The following INPP5D variants were observed in gnomAD, a reference collection of about 807,000 sequenced individuals.
The protein encoded by INPP5D is inositol polyphosphate-5-phosphatase D.
INPP5D carries 33 observed loss-of-function variants against 122.9 expected under a neutral mutation model. That is an observed-to-expected ratio of 0.27 (90% CI 0.20 to 0.36). INPP5D has a LOEUF of 0.36. Among genes scored for constraint, INPP5D ranks in the 10% least tolerant of loss-of-function variants. The probability of loss-of-function intolerance (pLI) is 1.00; values close to 1 mark genes in which losing one functional copy is unlikely to be tolerated. For missense variants in INPP5D, 1,053 were observed against 1,412.7 expected (o/e 0.75, Z 4.08); for synonymous variants, 584 against 576.2 (o/e 1.01, Z -0.19).
chr2:233,143,620 AAAG>A (rs1364930069), intron 6 of INPP5D, among the ~76,000 whole-genome samples: 1 of 152,226 alleles, frequency 6.6e-6, no homozygotes, highest in Non-Finnish European at 1.5e-5. Context: ...GACAATAACT[AAAG>A]AAGAATTGTA....
chr2:233,152,589 G>A (rs1693948791), intron 9 of INPP5D, among the ~76,000 whole-genome samples: 1 of 152,184 alleles, frequency 6.6e-6, no homozygotes, highest in South Asian at 2.1e-4. Flanking sequence ...AGAAAAATAT[G>A]ACAGTAATGG....
rs774371957 is a variant in INPP5D at position 233,060,476 on chromosome 2, A to G, written c.-3A>G. On this transcript the variant is annotated 5_prime_UTR_variant, in exon 1 of 27. Coordinates refer to ENST00000445964, the MANE Select transcript of INPP5D (RefSeq NM_001017915.3). The stretch of plus-strand genomic sequence containing the variant: ...GGCCCGGCCGAGGAGGCCCACGCCC[A>G]CCATGGTCCCCTGCTGGAACCATGG... 2.5e-6 allele frequency: 4 copies of G among 1,602,100 alleles called. No individual in the cohort carries two copies. Among genetic ancestry groups the G allele is most frequent in the Non-Finnish European group, 2.6e-6 (3 of 1,173,574 alleles).
chr2:233,114,994 A>C (rs1178660162), intron 2 of INPP5D, among the ~76,000 whole-genome samples: 1 of 151,890 alleles, frequency 6.6e-6, no homozygotes, highest in African/African-American at 2.4e-5. Flanking sequence ...CAGCCTCCCA[A>C]GTATCTGGGA....
intron 22 of INPP5D, among the ~76,000 whole-genome samples, chr2:233,193,431 G>A (rs1426141100): frequency 2.6e-5 from 4 of 152,100 alleles, no homozygotes; most frequent in African/African-American, 9.7e-5. Context: ...TTCCCAATCC[G>A]TTTCCTTTTT....
In INPP5D at chr2:233,060,473, C is replaced by T. The variant is rs768725744; in HGVS notation, c.-6C>T. The T allele has an allele frequency of 6.2e-7, 1 of 1,600,076 alleles. No individual in the cohort carries two copies. The highest frequency in any genetic ancestry group is 1.1e-5 in the South Asian group (1 of 89,698). ...GCCGGCCCGGCCGAGGAGGCCCACGCCCACCATGGTCCCCTGCTGGAACCA... is the reference window on the plus strand; with the variant it reads ...GCCGGCCCGGCCGAGGAGGCCCACGTCCACCATGGTCCCCTGCTGGAACCA... On this transcript the variant is annotated 5_prime_UTR_variant, in exon 1 of 27. Coordinates refer to ENST00000445964, the MANE Select transcript of INPP5D (RefSeq NM_001017915.3).
chr2:233,138,432 A>G (rs1427792533), intron 5 of INPP5D, among the ~76,000 whole-genome samples: 2 of 152,178 alleles, frequency 1.3e-5, no homozygotes, highest in Non-Finnish European at 1.5e-5. Context: ...AAGAGAAATG[A>G]GAGAAATGCA....
chr2:233,131,704 A>C (rs1693332720), intron 5 of INPP5D, among the ~76,000 whole-genome samples: 1 of 152,180 alleles, frequency 6.6e-6, no homozygotes. Flanking sequence ...CGTCTCAAAT[A>C]AACAAACAAA....
chr2:233,062,871 C>T (rs990715736), intron 1 of INPP5D, among the ~76,000 whole-genome samples: 1 of 151,972 alleles, frequency 6.6e-6, no homozygotes, highest in Admixed American at 6.6e-5. Flanking sequence ...TTGCCAATTA[C>T]GGAGATTTTA....
At position 233,078,610 on chromosome 2, in the gene INPP5D, T is replaced by C. The variant is rs1248503008; in HGVS notation, c.135-725T>C. Among the ~76,000 whole-genome samples, 2 of 152,220 alleles carry C rather than the reference T, an allele frequency of 1.3e-5. No individual in the cohort carries two copies. Among genetic ancestry groups the C allele is most frequent in the African/African-American group, 2.4e-5 (1 of 41,462 alleles). ...GCTGGGCCTGGCTTTCCATTCACCA[T>C]GGGCCGCTCTGCTTGGGCCCACTGG... is the stretch of plus-strand genomic sequence containing the variant. On this transcript the variant is annotated intron_variant, in intron 1 of 26. Coordinates refer to ENST00000445964, the MANE Select transcript of INPP5D (RefSeq NM_001017915.3). The surrounding 1 kb of genome is among the most constrained non-coding windows in gnomAD (Gnocchi z 4.6).
chr2:233,153,522 C>T (rs552300960), intron 9 of INPP5D, among the ~76,000 whole-genome samples: 17 of 152,254 alleles, frequency 1.1e-4, no homozygotes, highest in South Asian at 4.1e-4. Flanking sequence ...AACCAAAAAA[C>T]GAAACCCTAA....
intron 21 of INPP5D, among the ~76,000 whole-genome samples, chr2:233,187,116 C>A (rs760233858): frequency 1.3e-5 from 2 of 151,772 alleles, no homozygotes; most frequent in African/African-American, 4.8e-5. Context: ...CCTAGGAGAT[C>A]CAGGCTGCAG....
At chr2:233,146,657 A>G (rs1229515226) in intron 8 of INPP5D, among the ~76,000 whole-genome samples, 1 of 152,242 alleles carries the variant, frequency 6.6e-6, no homozygotes, top group Non-Finnish European at 1.5e-5. Context: ...TTCGGAGGGA[A>G]GCTACAAGGG....
chr2:233,134,085 C>T (rs1693405040), intron 5 of INPP5D: 1 of 448,948 alleles, frequency 2.2e-6, no homozygotes, highest in Admixed American at 2.4e-5. Context: ...TCTAGGGTGA[C>T]CCCTGGGTTC....
rs919737554 is a variant in INPP5D, at chr2:233,189,295, C to A, written c.2359-555C>A. On this transcript the variant is annotated intron_variant, in intron 21 of 26. Coordinates refer to ENST00000445964, the MANE Select transcript of INPP5D (RefSeq NM_001017915.3). The surrounding 1 kb of genome is among the most constrained non-coding windows in gnomAD (Gnocchi z 5.6). The stretch of plus-strand genomic sequence containing the variant: ...CACCCCCAACAATCGGTAGGACACT[C>A]CAGGCCCAGCTGGGGGCTCTGCCAG... Among the ~76,000 whole-genome samples, 12 of 152,354 alleles carry A rather than the reference C, an allele frequency of 7.9e-5. No individual in the cohort carries two copies. Among genetic ancestry groups the A allele is most frequent in the Non-Finnish European group, 1.2e-4 (8 of 68,030 alleles).
Position 233,125,854 on chromosome 2 carries a change from C to A in INPP5D, c.459C>A (p.Thr153=). The A allele has an allele frequency of 4.3e-6, 7 of 1,613,706 alleles. No individual in the cohort carries two copies. The highest frequency in any genetic ancestry group is 5.1e-6 in the Non-Finnish European group (6 of 1,179,798). Residue 153 remains threonine, a synonymous_variant, in exon 4 of 27, where the codon ACC becomes ACA. Transcript: ENST00000445964. ...TTTCAAACGAGAATCCCCGAGCGAC[C>A]GAGACCAGCCGGCCGAGCCTCTCCG... is the stretch of plus-strand genomic sequence containing the variant. ...VPFSNENPRA[T]ETSRPSLSET...
chr2:233,199,354 C>T (rs75121169), intron 25 of INPP5D, among the ~76,000 whole-genome samples: 2,729 of 73,496 alleles, frequency 0.037, 34 homozygotes, highest in Non-Finnish European at 0.048. Flanking sequence ...ACCACTGCAC[C>T]CCAGCCTGGG....
intron 2 of INPP5D, among the ~76,000 whole-genome samples, chr2:233,121,284 A>G (rs1692967303): frequency 6.6e-6 from 1 of 150,932 alleles, no homozygotes; most frequent in South Asian, 2.1e-4. Flanking sequence ...GGTGCGCACC[A>G]CCACGCTTGG....
rs992967952 is a variant in INPP5D at position 233,183,152 on chromosome 2, C to T, written c.2161+653C>T. Among the ~76,000 whole-genome samples, 2 of 152,178 alleles carry T rather than the reference C, an allele frequency of 1.3e-5. No individual in the cohort carries two copies. Among genetic ancestry groups the T allele is most frequent in the African/African-American group, 4.8e-5 (2 of 41,442 alleles). The stretch of plus-strand genomic sequence containing the variant: ...CCAGGCCACCCTCATCCCAGCTGGG[C>T]CAGGTGTTCTCTGTAATGTGCCCAT... On this transcript the variant is annotated intron_variant, in intron 19 of 26. Coordinates refer to ENST00000445964, the MANE Select transcript of INPP5D (RefSeq NM_001017915.3). The surrounding 1 kb of genome is among the most constrained non-coding windows in gnomAD (Gnocchi z 4.6).
chr2:233,156,401 T>A (rs1474663466), intron 9 of INPP5D, among the ~76,000 whole-genome samples: 1 of 152,236 alleles, frequency 6.6e-6, no homozygotes, highest in Non-Finnish European at 1.5e-5. Flanking sequence ...GCAATTCTCC[T>A]GCCTCAGCCT....
Sources: allele counts gnomAD v4.1 joint callset (sites outside exome capture counted in the v4.1 genomes callset), GRCh38; gene constraint gnomAD v4.1.1; non-coding constraint Gnocchi (gnomAD v3.1); transcripts MANE v1.5; gene names NCBI Gene and HGNC (gene_info 2026-07-23, HGNC 2026-07-21).